Variants in REG4 observed in about 807,000 individuals in gnomAD.
REG4 encodes regenerating family member 4, also known as regenerating islet-derived protein 4.
Under a neutral mutation model 22.3 loss-of-function variants are expected in REG4, and 16 were observed. That is an observed-to-expected ratio of 0.72 (90% CI 0.49 to 1.09). REG4 has a LOEUF of 1.09. Ranked by LOEUF, REG4 falls within the 50% of genes least tolerant of loss-of-function variation. The pLI, the probability that REG4 is intolerant of heterozygous loss-of-function variation, is 0.00. For missense variants in REG4, 214 were observed against 193.9 expected, an observed-to-expected ratio of 1.10 and a Z score of -0.61; for synonymous variants, 71 against 69.2, an observed-to-expected ratio of 1.03 and a Z score of -0.13.
chr1:119,805,480 C>T lies in REG4; in HGVS notation c.68-2315G>A, dbSNP rs142751396. ...CAAACATGTTAGGACAGACCCTCTA[C>T]CACCACGGTCTTTGTTTCCCCTGGA... is the stretch of plus-strand genomic sequence containing the variant. On this transcript the variant is annotated intron_variant, in intron 2 of 5. Coordinates refer to ENST00000256585, the MANE Select transcript of REG4 (RefSeq NM_032044.4). Among the ~76,000 whole-genome samples, 397 of 152,270 alleles carry T rather than the reference C, an allele frequency of 2.6e-3. 4 individuals are homozygous for T. Among genetic ancestry groups the T allele is most frequent in the African/African-American group, 9.2e-3 (383 of 41,534 alleles).
At chr1:119,806,715 G>A (rs1203722939) in intron 2 of REG4, among the ~76,000 whole-genome samples, 1 of 152,112 alleles carries the variant, frequency 6.6e-6, no homozygotes, top group African/African-American at 2.4e-5. Flanking sequence ...CACCTCACAT[G>A]GTGCTAGAGC....
At chr1:119,805,381 C>A (rs1342482488) in intron 2 of REG4, among the ~76,000 whole-genome samples, 1 of 152,118 alleles carries the variant, frequency 6.6e-6, no homozygotes, top group Non-Finnish European at 1.5e-5. Context: ...AGGACAAAGA[C>A]CCCTGGCATC....
At chr1:119,800,473 C>T (rs1453723582) in intron 3 of REG4, among the ~76,000 whole-genome samples, 1 of 152,162 alleles carries the variant, frequency 6.6e-6, no homozygotes, top group Non-Finnish European at 1.5e-5. Flanking sequence ...CTGGGCACCT[C>T]ACATTCGGTC....
intron 1 of REG4, 21 bp from the exon 2 acceptor site, chr1:119,808,884 GAGA>G: frequency 1.6e-6 from 1 of 634,196 alleles, no homozygotes; most frequent in Non-Finnish European, 2.8e-6. Context: ...TTGCACAGGT[GAGA>G]AGGACCCAGG....
At chr1:119,805,778 T>C (rs587771330) in intron 2 of REG4, among the ~76,000 whole-genome samples, 2 of 152,212 alleles carry the variant, frequency 1.3e-5, no homozygotes, top group South Asian at 4.2e-4. Flanking sequence ...TGACTGTCTG[T>C]TCCCTGACTC....
At chr1:119,801,732 C>G (rs1654106919) in intron 3 of REG4, 1 of 152,342 alleles carries the variant, frequency 6.6e-6, no homozygotes, top group African/African-American at 2.4e-5. Context: ...GGGAGCCGCA[C>G]AGCTCTTGTT....
chr1:119,800,226 C>T (rs1654056387), intron 3 of REG4, among the ~76,000 whole-genome samples: 1 of 152,148 alleles, frequency 6.6e-6, no homozygotes. Flanking sequence ...GTCATGAGGC[C>T]TATTGTATTA....
chr1:119,805,673 T>C (rs899500621), intron 2 of REG4, among the ~76,000 whole-genome samples: 2 of 152,100 alleles, frequency 1.3e-5, no homozygotes, highest in Admixed American at 6.5e-5. Flanking sequence ...TGTTTGTGCA[T>C]CTCTGTCTTT....
chr1:119,804,142 A>G (rs1654215725), intron 2 of REG4, among the ~76,000 whole-genome samples: 1 of 152,212 alleles, frequency 6.6e-6, no homozygotes, highest in African/African-American at 2.4e-5. Context: ...CTATGTGGCT[A>G]CCTTCTGACA....
rs1458223006 is a variant in REG4, at chr1:119,802,371, T to TTTTG, written c.165+693_165+696dup. 7.1e-6 allele frequency: 7 copies of TTTTG among 986,642 alleles called. No individual in the cohort carries two copies. In the South Asian group the frequency reaches 2.3e-4, roughly 33 times the overall value. 61.1% of individuals were successfully genotyped at this position (986,642 alleles called of 1,614,324 possible). ...TGTGGTAGGTGCTTCGTTCTTGTTTTTTTGTTTGTTTGTTTTGTTTTCTGT... is the reference window on the plus strand; with the variant it reads ...TGTGGTAGGTGCTTCGTTCTTGTTTTTTTGTTTGTTTGTTTGTTTTGTTTTCTGT... On this transcript the variant is annotated intron_variant, in intron 3 of 5. Transcript: ENST00000256585.
At chr1:119,811,221 C>T (rs137923545) in intron 1 of REG4, among the ~76,000 whole-genome samples, 188 bp downstream of exon 1, 256 of 152,292 alleles carry the variant, frequency 1.7e-3, no homozygotes, top group African/African-American at 6.0e-3. Context: ...AGCTTGACAC[C>T]AAAGCCAATG....
intron 5 of REG4, 133 bp from the exon 6 acceptor site, chr1:119,794,818 T>C: frequency 1.3e-6 from 1 of 776,760 alleles, no homozygotes; most frequent in East Asian, 2.5e-5. Context: ...TTAGCTAGAC[T>C]ATGATGTACA....
chr1:119,802,977 G>A (rs759157758), intron 3 of REG4, 91 bp downstream of exon 3: 2 of 1,586,704 alleles, frequency 1.3e-6, no homozygotes, highest in Non-Finnish European at 1.7e-6. Context: ...TGCCCAGGAA[G>A]GACACTTGAT....
At chr1:119,804,618 T>C (rs993496132) in intron 2 of REG4, among the ~76,000 whole-genome samples, 3 of 152,222 alleles carry the variant, frequency 2.0e-5, no homozygotes, top group Admixed American at 6.5e-5. Flanking sequence ...TTCATAAACA[T>C]GAACATAATT....
chr1:119,811,149 G>A (rs1192540624), intron 1 of REG4, among the ~76,000 whole-genome samples: 1 of 152,214 alleles, frequency 6.6e-6, no homozygotes, highest in African/African-American at 2.4e-5. Flanking sequence ...TGACACTTAT[G>A]ATTGAGTAAC....
intron 4 of REG4, among the ~76,000 whole-genome samples, 166 bp downstream of exon 4, chr1:119,799,559 C>T (rs1654035851): frequency 6.6e-6 from 1 of 152,204 alleles, no homozygotes; most frequent in Admixed American, 6.5e-5. Context: ...CACCGAGGGC[C>T]AGAACTGGGC....
chr1:119,795,595 T>A (rs587757298), intron 5 of REG4, among the ~76,000 whole-genome samples: 26 of 152,220 alleles, frequency 1.7e-4, no homozygotes, highest in Non-Finnish European at 3.4e-4. Flanking sequence ...AGTTGTTCCC[T>A]GGCTAGGTGT....
At chr1:119,801,302 A>C (rs587594005) in intron 3 of REG4, 1 of 152,300 alleles carries the variant, frequency 6.6e-6, no homozygotes, top group Non-Finnish European at 1.5e-5. Flanking sequence ...TGCTTTTACT[A>C]ATTTATCCAA....
chr1:119,794,772 G>C (rs1653885097), intron 5 of REG4, 87 bp from the exon 6 acceptor site: 2 of 1,118,292 alleles, frequency 1.8e-6, no homozygotes, highest in Non-Finnish European at 1.4e-6. Context: ...TGGAAGCATA[G>C]ATAAGGCAAT....
Sources: gnomAD v4.1 joint callset for allele counts (sites outside exome capture counted in the v4.1 genomes callset) on GRCh38, gnomAD v4.1.1 for gene constraint, MANE v1.5 for transcripts, NCBI Gene and HGNC (gene_info 2026-07-23, HGNC 2026-07-21) for gene names.